KANSL1L: variants seen among roughly 807,000 people sequenced by gnomAD.
The protein encoded by KANSL1L is KAT8 regulatory NSL complex subunit 1 like, also known as KAT8 regulatory NSL complex subunit 1-like protein.
A neutral mutation model predicts 108.6 loss-of-function variants in KANSL1L; 25 were observed. The observed-to-expected ratio is 0.23, with a 90% CI of 0.17 to 0.32. KANSL1L has a LOEUF of 0.32. Among genes scored for constraint, KANSL1L ranks in the 10% least tolerant of loss-of-function variants. The pLI is 1.00. For synonymous variants in KANSL1L, 405 were observed against 395.1 expected, an observed-to-expected ratio of 1.03 and a Z score of -0.30; for missense variants, 1,137 against 1,125.7, an observed-to-expected ratio of 1.01 and a Z score of -0.14.
intron 6 of KANSL1L, among the ~76,000 whole-genome samples, chr2:210,057,560 G>A (rs2125254806): frequency 6.6e-6 from 1 of 152,254 alleles, no homozygotes; most frequent in African/African-American, 2.4e-5. Flanking sequence ...AATTAGCCGG[G>A]CGTGGTGGCA....
upstream of KANSL1L, among the ~76,000 whole-genome samples, chr2:210,172,402 G>A (rs570526543): frequency 1.1e-4 from 16 of 152,340 alleles, no homozygotes; most frequent in African/African-American, 3.1e-4. Flanking sequence ...GGGGGCGGAA[G>A]AGGGGAGAAA....
At chr2:210,076,722 A>G (rs534461825) in intron 5 of KANSL1L, among the ~76,000 whole-genome samples, 364 of 151,826 alleles carry the variant, frequency 2.4e-3, no homozygotes, top group Non-Finnish European at 3.8e-3. Flanking sequence ...ATTTTACAAT[A>G]TCAGAACATC....
At chr2:210,063,969 C>G (rs2094443836) in intron 6 of KANSL1L, 1 of 152,080 alleles carries the variant, frequency 6.6e-6, no homozygotes, top group Admixed American at 6.5e-5. Context: ...TGTCCTCACT[C>G]AAATCTCATC....
chr2:210,049,447 T>A (rs1258962975), intron 6 of KANSL1L, among the ~76,000 whole-genome samples: 1 of 152,032 alleles, frequency 6.6e-6, no homozygotes, highest in Non-Finnish European at 1.5e-5. Flanking sequence ...GTTCCTACCA[T>A]ACCACTGGAG....
chr2:210,101,249 C>T (rs1051770552), intron 4 of KANSL1L, among the ~76,000 whole-genome samples: 1 of 152,160 alleles, frequency 6.6e-6, no homozygotes, highest in African/African-American at 2.4e-5. Flanking sequence ...GGAGGCTATG[C>T]TTGCTTAGTG....
At chr2:210,043,817 T>A (rs2094194597) in intron 7 of KANSL1L, 122 bp downstream of exon 7, 3 of 579,488 alleles carry the variant, frequency 5.2e-6, no homozygotes, top group Non-Finnish European at 8.5e-6. Flanking sequence ...AGGCATTGCT[T>A]AGTTCTAATA....
chr2:210,099,548 C>G (rs1244940961), intron 4 of KANSL1L, among the ~76,000 whole-genome samples: 1 of 152,092 alleles, frequency 6.6e-6, no homozygotes, highest in Admixed American at 6.6e-5. Flanking sequence ...TAGATTAAAG[C>G]TCATTTTTAA....
chr2:210,167,370 T>C (rs536021593), intron 1 of KANSL1L, among the ~76,000 whole-genome samples: 1 of 152,028 alleles, frequency 6.6e-6, no homozygotes, highest in Non-Finnish European at 1.5e-5. Context: ...CTTTGAAGAC[T>C]AAAGGAATTT....
Position 210,038,790 on chromosome 2 carries a change from T to C in KANSL1L, c.2029+1630A>G, listed in dbSNP as rs182658145. 5.3e-5 allele frequency among the ~76,000 whole-genome samples: 8 copies of C among 152,070 alleles called. No individual in the cohort carries two copies. In the East Asian group the frequency reaches 1.5e-3, roughly 29 times the overall value. The stretch of plus-strand genomic sequence containing the variant: ...AGAGCATGGCTCCAAGCCAGACTGC[T>C]TGGGTTTGAATTCTGGCTCTTTTAT... On this transcript the variant is annotated intron_variant, in intron 8 of 14. Coordinates refer to ENST00000281772, the MANE Select transcript of KANSL1L (RefSeq NM_152519.4).
chr2:210,091,921 T>C (rs946164927), intron 5 of KANSL1L, among the ~76,000 whole-genome samples: 3 of 152,188 alleles, frequency 2.0e-5, no homozygotes, highest in Non-Finnish European at 2.9e-5. Context: ...ACTTGAAAGA[T>C]GATTTCTCTG....
chr2:210,103,983 G>A, intron 4 of KANSL1L, 121 bp downstream of exon 4: 1 of 684,088 alleles, frequency 1.5e-6, no homozygotes. Context: ...TTTAATGCCA[G>A]ATGGCCTAGT....
Position 210,040,438 on chromosome 2 carries a change from T to C in KANSL1L, c.2011A>G (p.Ile671Val). 6.9e-7 allele frequency: 1 copy of C among 1,458,520 alleles called. No homozygotes were observed. The highest frequency in any genetic ancestry group is 9.6e-7 in the Non-Finnish European group (1 of 1,040,998). The allele number at this position is 1,458,520 out of a possible 1,614,324, so 90.3% of individuals were successfully genotyped here. A position where few individuals can be genotyped will look rare whatever the true frequency, so the allele number is the denominator to read the frequency against. Residue 671 changes from isoleucine to valine, a missense_variant, in exon 8 of 15, where the codon ATC becomes GTC. Physicochemically the swap from Ile to Val is conservative, Grantham distance 29. Coordinates refer to ENST00000281772, the MANE Select transcript of KANSL1L (RefSeq NM_152519.4). ...GACATACCAGGTGATGGAGATATGA[T>C]ATATTCATCTACAAATTTATTTTCA... Reference protein sequence around the residue: ...LAENKFVDEYIISPSPVHSTL... With the variant: ...LAENKFVDEYVISPSPVHSTL...
At chr2:210,150,711 C>T (rs186677413) in intron 2 of KANSL1L, among the ~76,000 whole-genome samples, 13 of 149,358 alleles carry the variant, frequency 8.7e-5, no homozygotes, top group South Asian at 4.2e-4. Flanking sequence ...GAACCCAGGA[C>T]GTGGAGGTTG....
intron 3 of KANSL1L, among the ~76,000 whole-genome samples, chr2:210,112,579 T>G (rs112509287): frequency 2.6e-4 from 39 of 152,278 alleles, no homozygotes; most frequent in African/African-American, 9.1e-4. Flanking sequence ...GAGACCCAAA[T>G]GTCAAAAACT....
chr2:210,114,746 C>G (rs1025890631), intron 3 of KANSL1L, among the ~76,000 whole-genome samples: 14 of 151,928 alleles, frequency 9.2e-5, no homozygotes, highest in African/African-American at 3.1e-4. Flanking sequence ...TTAATGTATG[C>G]TTTGGGACAC....
chr2:210,050,849 TCCTC>T (rs1234674025), intron 6 of KANSL1L, among the ~76,000 whole-genome samples: 1 of 151,978 alleles, frequency 6.6e-6, no homozygotes, highest in East Asian at 1.9e-4. Flanking sequence ...GCTCAAGTGA[TCCTC>T]CCACCTCAGC....
At chr2:210,167,264 T>C (rs1688039774) in intron 1 of KANSL1L, among the ~76,000 whole-genome samples, 1 of 152,048 alleles carries the variant, frequency 6.6e-6, no homozygotes, top group Non-Finnish European at 1.5e-5. Flanking sequence ...ATAACTGGCA[T>C]AACTAGGATT....
chr2:210,108,203 G>A (rs2094869540), intron 3 of KANSL1L, among the ~76,000 whole-genome samples: 1 of 152,010 alleles, frequency 6.6e-6, no homozygotes, highest in African/African-American at 2.4e-5. Context: ...AATGTAATGA[G>A]AAACTACTAA....
intron 1 of KANSL1L, among the ~76,000 whole-genome samples, chr2:210,162,221 G>GTTATATATATATATATATATAT (rs1559617787): frequency 1.0e-4 from 1 of 9,934 alleles, no homozygotes. Context: ...TAGTGGTTCA[G>GTTATATATATATATATATATAT]GTATATATAT....
Sources: allele counts gnomAD v4.1 joint callset (sites outside exome capture counted in the v4.1 genomes callset), GRCh38; gene constraint gnomAD v4.1.1; transcripts MANE v1.5; gene names NCBI Gene and HGNC (gene_info 2026-07-23, HGNC 2026-07-21).